The following MGAT4C variants were observed in gnomAD, a reference collection of about 807,000 sequenced individuals.
The protein encoded by MGAT4C is alpha-1,3-mannosyl-glycoprotein 4-beta-N-acetylglucosaminyltransferase C.
A neutral mutation model predicts 40.1 loss-of-function variants in MGAT4C; 19 were observed. That is an observed-to-expected ratio of 0.47 (90% confidence interval 0.33 to 0.70). The LOEUF (loss-of-function observed/expected upper bound fraction) is 0.70. MGAT4C is among the 30% of genes least tolerant of loss of function. The pLI is 0.02. For missense variants in MGAT4C, 491 were observed against 563.2 expected, an observed-to-expected ratio of 0.87 and a Z score of 1.30; for synonymous variants, 181 against 187.1, an observed-to-expected ratio of 0.97 and a Z score of 0.27.
intron 2 of MGAT4C, among the ~76,000 whole-genome samples, chr12:86,708,966 G>T (rs1416172800): frequency 6.6e-6 from 1 of 152,158 alleles, no homozygotes; most frequent in Non-Finnish European, 1.5e-5. Context: ...ATGCTGAAAT[G>T]AGTTAAGATT....
chr12:86,825,467 T>C (rs564160237), intron 1 of MGAT4C, among the ~76,000 whole-genome samples: 24 of 151,368 alleles, frequency 1.6e-4, no homozygotes, highest in Admixed American at 1.4e-3. Flanking sequence ...GAAACAAGTA[T>C]ATATTTAGGC....
At chr12:86,052,313 T>A (rs7969308) in intron 1 of MGAT4C, among the ~76,000 whole-genome samples, 1 of 151,402 alleles carries the variant, frequency 6.6e-6, no homozygotes, top group Admixed American at 6.6e-5. Context: ...GAGATAGTAA[T>A]CTAAAAATTA....
chr12:86,513,128 C>G (rs936410948), intron 2 of MGAT4C, among the ~76,000 whole-genome samples: 1 of 152,066 alleles, frequency 6.6e-6, no homozygotes, highest in African/African-American at 2.4e-5. Flanking sequence ...TCTTATAATA[C>G]TTTGCATTTT....
chr12:86,158,250 T>C (rs1885195803), intron 1 of MGAT4C, among the ~76,000 whole-genome samples: 1 of 152,140 alleles, frequency 6.6e-6, no homozygotes, highest in African/African-American at 2.4e-5. Context: ...GTCCTACATA[T>C]CATAAATCCA....
At chr12:86,147,665 G>T (rs1883730644) in intron 1 of MGAT4C, among the ~76,000 whole-genome samples, 1 of 152,178 alleles carries the variant, frequency 6.6e-6, no homozygotes, top group Non-Finnish European at 1.5e-5. Flanking sequence ...CAGAAGAAAA[G>T]TTGGCTCTCC....
intron 2 of MGAT4C, among the ~76,000 whole-genome samples, chr12:86,701,421 G>A (rs1323580705): frequency 6.6e-6 from 1 of 151,874 alleles, no homozygotes; most frequent in Non-Finnish European, 1.5e-5. Flanking sequence ...TTTGATCTTC[G>A]ATGTTATTTT....
intron 2 of MGAT4C, among the ~76,000 whole-genome samples, chr12:86,615,079 T>A (rs1268674644): frequency 6.6e-6 from 1 of 151,968 alleles, no homozygotes; most frequent in Admixed American, 6.6e-5. Flanking sequence ...ATCTAGAATA[T>A]AGGTATTATA....
chr12:86,647,896 T>A (rs1349177368), intron 2 of MGAT4C, among the ~76,000 whole-genome samples: 2 of 151,958 alleles, frequency 1.3e-5, no homozygotes, highest in African/African-American at 2.4e-5. Flanking sequence ...CCTCAAGTTA[T>A]ATGTTCCTGT....
intron 2 of MGAT4C, among the ~76,000 whole-genome samples, chr12:86,639,789 A>T (rs1034369970): frequency 4.6e-5 from 7 of 151,750 alleles, no homozygotes; most frequent in African/African-American, 1.7e-4. Context: ...CAATGATTTA[A>T]CTTTAGTTTT....
At chr12:86,280,073 T>G (rs548808654) in intron 4 of MGAT4C, among the ~76,000 whole-genome samples, 28 of 152,232 alleles carry the variant, frequency 1.8e-4, no homozygotes, top group African/African-American at 6.7e-4. Context: ...GAATGATCTA[T>G]GTGCTTAGGA....
At chr12:86,757,946 A>G (rs1951334440) in intron 1 of MGAT4C, among the ~76,000 whole-genome samples, 1 of 152,190 alleles carries the variant, frequency 6.6e-6, no homozygotes, top group East Asian at 1.9e-4. Context: ...TTCAGTTACC[A>G]TGGAACCAAT....
intron 2 of MGAT4C, among the ~76,000 whole-genome samples, chr12:86,525,626 C>T (rs557780879): frequency 1.2e-3 from 177 of 152,116 alleles, no homozygotes; most frequent in African/African-American, 4.2e-3. Flanking sequence ...CTTTTTTAAT[C>T]GTATTTGACA....
intron 1 of MGAT4C, among the ~76,000 whole-genome samples, chr12:86,114,518 T>C (rs1423183288): frequency 1.3e-5 from 2 of 151,982 alleles, no homozygotes; most frequent in Admixed American, 1.3e-4. Context: ...CTCTTGATTT[T>C]TTTTTCAAAA....
intron 2 of MGAT4C, among the ~76,000 whole-genome samples, chr12:86,632,777 G>A (rs533759459): frequency 6.6e-6 from 1 of 151,658 alleles, no homozygotes. Context: ...GGATGGGGGA[G>A]GGATAACATT....
chr12:86,396,035 T>C (rs1956255339), intron 3 of MGAT4C, among the ~76,000 whole-genome samples: 1 of 152,204 alleles, frequency 6.6e-6, no homozygotes, highest in South Asian at 2.1e-4. Context: ...GTTGTGTTTT[T>C]TTCTCTTTTA....
At chr12:86,492,621 C>T (rs187289215) in intron 2 of MGAT4C, among the ~76,000 whole-genome samples, 3 of 152,282 alleles carry the variant, frequency 2.0e-5, no homozygotes, top group East Asian at 1.9e-4. Flanking sequence ...TGGATCTCTT[C>T]CTTACATCTT....
chr12:86,314,895 C>A (rs150764805), intron 4 of MGAT4C, among the ~76,000 whole-genome samples: 7 of 152,086 alleles, frequency 4.6e-5, no homozygotes, highest in African/African-American at 1.7e-4. Flanking sequence ...TTGGAAGAAT[C>A]AGTATTGTTA....
Position 86,453,222 on chromosome 12 carries a change from G to T in MGAT4C, c.-228-17957C>A, listed in dbSNP as rs1017959289. The stretch of plus-strand genomic sequence containing the variant: ...ACATTGTGATTAATAAAGGATAGAG[G>T]TTATGATTGTTAGTTTGGTTCATTA... On this transcript the variant is annotated intron_variant, in intron 2 of 7. Coordinates refer to the MGAT4C transcript ENST00000548651. Among the ~76,000 whole-genome samples, 18 of 152,006 alleles carry T rather than the reference G, an allele frequency of 1.2e-4. 1 individual carries two copies. The highest frequency in any genetic ancestry group is 1.1e-3 in the Admixed American group (16 of 15,238).
chr12:86,118,517 G>A (rs1217584874), intron 1 of MGAT4C, among the ~76,000 whole-genome samples: 1 of 152,120 alleles, frequency 6.6e-6, no homozygotes, highest in African/African-American at 2.4e-5. Context: ...TTGCAATGGG[G>A]CCATGAAAAG....
Sources: allele counts gnomAD v4.1 joint callset (sites outside exome capture counted in the v4.1 genomes callset), GRCh38; gene constraint gnomAD v4.1.1; transcripts MANE v1.5; gene names NCBI Gene and HGNC (gene_info 2026-07-23, HGNC 2026-07-21).